Variants in DHX34 observed in about 807,000 individuals in gnomAD.
DHX34 encodes the protein DExH-box helicase 34.
Under a neutral mutation model 111.1 loss-of-function variants are expected in DHX34, and 96 were observed. The observed-to-expected ratio is 0.86, with a 90% confidence interval of 0.73 to 1.02. DHX34 has a LOEUF of 1.02. Among genes scored for constraint, DHX34 ranks in the 50% least tolerant of loss-of-function variants. DHX34 has a pLI of 0.00. For missense variants in DHX34, 1,560 were observed against 1,579.9 expected (o/e 0.99, Z 0.21); for synonymous variants, 688 against 670.4 (o/e 1.03, Z -0.41).
chr19:47,358,479 G>T (rs1399726899), intron 4 of DHX34, among the ~76,000 whole-genome samples: 2 of 150,244 alleles, frequency 1.3e-5, no homozygotes, highest in Admixed American at 6.6e-5. Context: ...TTTGAAACAG[G>T]GTCTTGCTCT....
intron 5 of DHX34, 148 bp downstream of exon 5, chr19:47,360,218 A>T: frequency 1.5e-6 from 1 of 673,826 alleles, no homozygotes; most frequent in South Asian, 2.0e-5. Flanking sequence ...TTGCAACCAG[A>T]AGTGTTTGGA....
Position 47,382,498 on chromosome 19 carries a change from C to T in DHX34, c.*385C>T. ...TCTCTCTTGAGTCCATCCTCAGTCT[C>T]TCCTACCCCTTGAAGTAGGGGGACC... On this transcript the variant is annotated 3_prime_UTR_variant, in exon 17 of 17. Transcript: ENST00000328771. 5.1e-6 allele frequency: 1 copy of T among 195,018 alleles called. No individual in the cohort carries two copies. Among genetic ancestry groups the T allele is most frequent in the South Asian group, 9.0e-5 (1 of 11,154 alleles). 12.1% of individuals were successfully genotyped at this position (195,018 alleles called of 1,614,324 possible). A position where few individuals can be genotyped will look rare whatever the true frequency, so the allele number is the denominator to read the frequency against.
Position 47,375,986 on chromosome 19 carries a change from G to A in DHX34, c.2370G>A (p.Gln790=). 1.2e-6 allele frequency: 2 copies of A among 1,606,200 alleles called. No individual in the cohort carries two copies. Among genetic ancestry groups the A allele is most frequent in the Non-Finnish European group, 1.7e-6 (2 of 1,178,084 alleles). Residue 790 remains glutamine, a synonymous_variant, in exon 11 of 17, where the codon CAG becomes CAA. Transcript: ENST00000328771. The part of the protein sequence containing the change: ...AQLQAAASSA[Q]DLSREQLALL... ...TGCAGGCCGCTGCCAGCTCAGCCCAGGACCTGAGCCGCGAGCAGCTGGCTC... is the reference window on the plus strand; with the variant it reads ...TGCAGGCCGCTGCCAGCTCAGCCCAAGACCTGAGCCGCGAGCAGCTGGCTC...
intron 10 of DHX34, 78 bp downstream of exon 10, chr19:47,375,786 T>A (rs1401601666): frequency 1.9e-6 from 3 of 1,562,292 alleles, no homozygotes; most frequent in African/African-American, 1.4e-5. Context: ...CCAGGGGACA[T>A]GGCCCTGTCC....
At chr19:47,372,535 C>T (rs1233910601) in intron 7 of DHX34, 195 bp from the exon 8 acceptor site, 1 of 924,070 alleles carries the variant, frequency 1.1e-6, no homozygotes, top group Non-Finnish European at 1.3e-6. Flanking sequence ...AAACTGAGGC[C>T]CTTGCCCATG....
chr19:47,352,715 C>G (rs1969323155), intron 1 of DHX34, 39 bp from the exon 2 acceptor site: 1 of 320,536 alleles, frequency 3.1e-6, no homozygotes, highest in Non-Finnish European at 5.7e-6. Flanking sequence ...AAGCAATGTT[C>G]CCAAAAGAGA....
rs764483792 is a variant in DHX34, at chr19:47,375,943, G to T, written c.2327G>T (p.Arg776Leu). ...CCCCAGGATGTGAAGTTCAAGCTTC[G>T]GCATGACCTGGCGCAGCTGCAGGCC... ...VDIQDVKFKL[R>L]HDLAQLQAAA... The change falls in exon 11 of 17, where the codon CGG becomes CTG. Residue 776 changes from arginine to leucine, a missense_variant. By Grantham distance (102) the Arg-to-Leu change is moderately radical. Coordinates refer to ENST00000328771, the MANE Select transcript of DHX34 (RefSeq NM_014681.6). 6.2e-7 allele frequency: 1 copy of T among 1,602,356 alleles called. No individual in the cohort carries two copies. Among genetic ancestry groups the T allele is most frequent in the South Asian group, 1.1e-5 (1 of 90,038 alleles).
chr19:47,378,780 G>A (rs1970251901), intron 13 of DHX34, among the ~76,000 whole-genome samples: 2 of 152,188 alleles, frequency 1.3e-5, no homozygotes, highest in South Asian at 4.1e-4. Flanking sequence ...AGGCTGCAGT[G>A]AGCTGTGATT....
At chr19:47,376,865 G>T in intron 12 of DHX34, 1 of 1,532,858 alleles carries the variant, frequency 6.5e-7, no homozygotes, top group African/African-American at 1.4e-5. Flanking sequence ...GGGTCCTGCA[G>T]AGGGAGGCCC....
intron 1 of DHX34, 148 bp from the exon 2 acceptor site, chr19:47,352,606 T>G: frequency 5.9e-6 from 1 of 168,288 alleles, no homozygotes; most frequent in Admixed American, 5.7e-5. Flanking sequence ...GTCCAGGAGG[T>G]CGAGGCTGTG....
chr19:47,356,901 C>T (rs183061899), intron 3 of DHX34, among the ~76,000 whole-genome samples: 14 of 152,140 alleles, frequency 9.2e-5, no homozygotes, highest in Admixed American at 3.3e-4. Flanking sequence ...TGCAGTGAGC[C>T]GAGATCATGC....
chr19:47,376,360 T>G, intron 11 of DHX34, 83 bp from the exon 12 acceptor site: 31 of 1,551,012 alleles, frequency 2.0e-5, no homozygotes, highest in Non-Finnish European at 2.5e-5. Context: ...GGAGGGAACC[T>G]GGGCCAGAGG....
intron 1 of DHX34, 96 bp downstream of exon 1, chr19:47,349,448 G>C (rs1568390626): frequency 6.6e-6 from 1 of 152,446 alleles, no homozygotes; most frequent in South Asian, 2.0e-4. Context: ...GAGTCCAGGG[G>C]CGAGGGAAGT....
In DHX34 at chr19:47,372,911, C is replaced by T. The variant is rs113459218; in HGVS notation, c.1950C>T (p.Asn650=). The change falls in exon 8 of 17, where the codon AAC becomes AAT. Residue 650 remains asparagine (N), a synonymous_variant. Transcript: ENST00000328771. ...CCTTCACGCTCTTCAACGTCTTCAA[C>T]GCCTGGGTGCAGGTGAGGCTGGTGG... ...GDPFTLFNVF[N]AWVQVKSERS... 33 of 1,599,874 alleles carry T rather than the reference C, an allele frequency of 2.1e-5. No individual in the cohort carries two copies. Among genetic ancestry groups the T allele is most frequent in the Admixed American group, 1.8e-4 (11 of 59,492 alleles).
chr19:47,372,703 G>A (rs899632665), intron 7 of DHX34, 27 bp from the exon 8 acceptor site: 2 of 1,551,232 alleles, frequency 1.3e-6, no homozygotes, highest in Admixed American at 1.9e-5. Flanking sequence ...GCACCCAGGA[G>A]CCTCAACCCC....
In DHX34 at chr19:47,366,112, C is replaced by G. The variant is rs527608378; in HGVS notation, c.1594-869C>G. Among the ~76,000 whole-genome samples, 12 of 152,212 alleles carry G rather than the reference C, an allele frequency of 7.9e-5. No homozygotes were observed. The South Asian group carries it at 1.5e-3, about 18-fold the overall frequency. The stretch of plus-strand genomic sequence containing the variant: ...ACAACCAGAGAGGATGCTGGGAATG[C>G]TCTTCCTGGCTCCAGTCTCATGGAA... On this transcript the variant is annotated intron_variant, in intron 6 of 16. Coordinates refer to ENST00000328771, the MANE Select transcript of DHX34 (RefSeq NM_014681.6).
At chr19:47,370,966 G>C (rs929228330) in intron 7 of DHX34, among the ~76,000 whole-genome samples, 1 of 152,172 alleles carries the variant, frequency 6.6e-6, no homozygotes, top group South Asian at 2.1e-4. Flanking sequence ...GAGCCCCTGC[G>C]CCCGGCTTCA....
intron 13 of DHX34, 139 bp from the exon 14 acceptor site, chr19:47,379,571 A>G: frequency 1.4e-6 from 2 of 1,472,576 alleles, no homozygotes; most frequent in African/African-American, 1.4e-5. Flanking sequence ...TGCCTGGTAC[A>G]GCGGGTAGAT....
At chr19:47,358,143 G>T (rs373396713) in intron 4 of DHX34, 23 bp downstream of exon 4, 2 of 1,595,232 alleles carry the variant, frequency 1.3e-6, no homozygotes, top group East Asian at 4.5e-5. Flanking sequence ...GCCCGAGTGG[G>T]GCAGGCGGGG....
Sources: allele counts gnomAD v4.1 joint callset (sites outside exome capture counted in the v4.1 genomes callset), GRCh38; gene constraint gnomAD v4.1.1; transcripts MANE v1.5; gene names NCBI Gene and HGNC (gene_info 2026-07-23, HGNC 2026-07-21).